Variants in GALR1 observed in about 807,000 individuals in gnomAD.
The protein encoded by GALR1 is galanin receptor type 1.
GALR1 carries 11 observed loss-of-function variants against 17.9 expected under a neutral mutation model. That is an observed-to-expected ratio of 0.62 (90% confidence interval 0.39 to 1.02). GALR1 has a LOEUF of 1.02. GALR1 is among the 50% of genes least tolerant of loss of function. GALR1 has a pLI of 0.01. For missense variants in GALR1, 441 were observed against 456.9 expected (o/e 0.97, Z 0.32); for synonymous variants, 206 against 205.7 (o/e 1.00, Z -0.01).
chr18:77,264,220 ACTGCCCTGTGATAGTC>A (rs1214086118), intron 2 of GALR1, among the ~76,000 whole-genome samples: 1 of 145,866 alleles, frequency 6.9e-6, no homozygotes, highest in Admixed American at 7.0e-5. Flanking sequence ...TGTGGTTCCC[ACTGCCCTGTGATAGTC>A]CTGCAGGGTG....
intron 2 of GALR1, among the ~76,000 whole-genome samples, chr18:77,258,800 G>A (rs1388599264): frequency 1.4e-4 from 20 of 138,870 alleles, no homozygotes; most frequent in Non-Finnish European, 2.3e-4. Flanking sequence ...GGTGGTGATG[G>A]TGGTGGTGGT....
rs1323977791 is a variant in GALR1, at chr18:77,275,018, A to G, written c.*6116A>G. ...GACTTTTTTCCTGGCTATCCTGCCAATACTTTTCCATCTAACAGAAACGCA... is the reference window on the plus strand; with the variant it reads ...GACTTTTTTCCTGGCTATCCTGCCAGTACTTTTCCATCTAACAGAAACGCA... On this transcript the variant is annotated 3_prime_UTR_variant, in exon 3 of 3. Transcript: ENST00000299727. 6.6e-6 allele frequency: 1 copy of G among 152,342 alleles called. No homozygotes were observed. The highest frequency in any genetic ancestry group is 1.9e-4 in the East Asian group (1 of 5,186). The allele number at this position is 152,342 out of a possible 1,614,324, so 9.4% of individuals were successfully genotyped here.
At chr18:77,255,574 G>T (rs1018087489) in intron 1 of GALR1, among the ~76,000 whole-genome samples, 1 of 152,226 alleles carries the variant, frequency 6.6e-6, no homozygotes, top group East Asian at 1.9e-4. Context: ...AGTGGAGGCA[G>T]CCCATAAGAG....
intron 2 of GALR1, 51 bp downstream of exon 2, chr18:77,256,274 C>T: frequency 9.2e-7 from 1 of 1,090,974 alleles, no homozygotes; most frequent in Non-Finnish European, 1.4e-6. Context: ...GCTTAGTTTA[C>T]CTTTGTTTTT....
chr18:77,257,600 C>T (rs1912619678), intron 2 of GALR1, among the ~76,000 whole-genome samples: 1 of 152,198 alleles, frequency 6.6e-6, no homozygotes, highest in Admixed American at 6.5e-5. Context: ...GATTTTTCCT[C>T]TGAGTCACAC....
rs114829154 is a variant in GALR1, at chr18:77,256,299, C to T, written c.732+76C>T. The T allele has an allele frequency of 6.7e-3, 5,589 of 828,206 alleles. 28 individuals carry two copies. The highest frequency in any genetic ancestry group is 9.7e-3 in the African/African-American group (572 of 58,826). 51.3% of individuals were successfully genotyped at this position (828,206 alleles called of 1,614,324 possible). Reference sequence around the variant, plus strand: ...CCTTTGTTTTTTTTACTTGTCCTCACGTCCATCCAAAGCCTGTAACATTTA... The same window carrying T: ...CCTTTGTTTTTTTTACTTGTCCTCATGTCCATCCAAAGCCTGTAACATTTA... On this transcript the variant is annotated intron_variant, in intron 2 of 2. Transcript: ENST00000299727.
rs1912998947 is a variant in GALR1, at chr18:77,268,761, T to C, written c.909T>C (p.Tyr303=). The change falls in exon 3 of 3, where the codon TAT becomes TAC. Residue 303 remains tyrosine, a synonymous_variant. Transcript: ENST00000299727. ...ATTCCTCCGTGAATCCTATCATTTA[T>C]GCATTTCTCTCTGAAAATTTCAGGA... ...YSNSSVNPII[Y]AFLSENFRKA... 2 of 1,614,180 alleles carry C rather than the reference T, an allele frequency of 1.2e-6. No homozygotes were observed. The highest frequency in any genetic ancestry group is 1.7e-6 in the Non-Finnish European group (2 of 1,180,028).
chr18:77,259,710 T>A (rs1467305197), intron 2 of GALR1, among the ~76,000 whole-genome samples: 1 of 150,908 alleles, frequency 6.6e-6, no homozygotes, highest in African/African-American at 2.4e-5. Flanking sequence ...ATGGTGGTGA[T>A]GGTAATGGTG....
At chr18:77,261,345 G>A in intron 2 of GALR1, among the ~76,000 whole-genome samples, 1 of 152,128 alleles carries the variant, frequency 6.6e-6, no homozygotes, top group East Asian at 1.9e-4. Context: ...CACACACAGG[G>A]GACATGCCCG....
rs1023531162 is a variant in GALR1, at chr18:77,276,792, A to G, written c.*7890A>G. On this transcript the variant is annotated 3_prime_UTR_variant, in exon 3 of 3. Transcript: ENST00000299727. The stretch of plus-strand genomic sequence containing the variant: ...ATCATTCAGAATTTTTATTGCTTAC[A>G]TTGATCAGATCCATAAAATATCTGT... 1.3e-5 allele frequency: 2 copies of G among 152,216 alleles called. No individual in the cohort carries two copies. Among genetic ancestry groups the G allele is most frequent in the Non-Finnish European group, 1.5e-5 (1 of 68,034 alleles). 9.4% of individuals were successfully genotyped at this position (152,216 alleles called of 1,614,324 possible). A position where few individuals can be genotyped will look rare whatever the true frequency, so the allele number is the denominator to read the frequency against.
intron 1 of GALR1, among the ~76,000 whole-genome samples, chr18:77,255,409 G>C (rs1314118600): frequency 6.6e-6 from 1 of 152,132 alleles, no homozygotes; most frequent in South Asian, 2.1e-4. Context: ...TCCCTGACAG[G>C]GACATTAATT....
At chr18:77,264,606 G>C (rs1336262695) in intron 2 of GALR1, among the ~76,000 whole-genome samples, 2 of 152,034 alleles carry the variant, frequency 1.3e-5, no homozygotes, top group Non-Finnish European at 2.9e-5. Context: ...ATATTAGTCT[G>C]TTCTTGCACT....
chr18:77,261,798 G>A (rs533306810), intron 2 of GALR1, among the ~76,000 whole-genome samples: 1 of 152,182 alleles, frequency 6.6e-6, no homozygotes, highest in East Asian at 1.9e-4. Flanking sequence ...ATTCATCAGT[G>A]GTTCTCCAAA....
intron 1 of GALR1, among the ~76,000 whole-genome samples, chr18:77,252,884 C>CCACCACCACCAT (rs1568138978): frequency 2.4e-5 from 2 of 82,248 alleles, no homozygotes; most frequent in East Asian, 4.3e-4. Context: ...ACCACCATCA[C>CCACCACCACCAT]CACCACCACC....
At chr18:77,257,199 G>A (rs1912610408) in intron 2 of GALR1, among the ~76,000 whole-genome samples, 2 of 152,142 alleles carry the variant, frequency 1.3e-5, no homozygotes, top group Admixed American at 1.3e-4. Context: ...ACAGTAATGT[G>A]GCTAAAAAGC....
chr18:77,252,881 T>TCACCACCACCACCACCACCAC (rs1568138972), intron 1 of GALR1, among the ~76,000 whole-genome samples: 7 of 55,262 alleles, frequency 1.3e-4, no homozygotes, highest in East Asian at 1.2e-3. Context: ...ACCACCACCA[T>TCACCACCACCACCACCACCAC]CACCACCACC....
In GALR1 at chr18:77,250,239, T is replaced by A; in HGVS notation, c.-310T>A. On this transcript the variant is annotated 5_prime_UTR_variant, in exon 1 of 3. Transcript: ENST00000299727. Reference sequence around the variant, plus strand: ...GGCGGATCCCTCTTCCCAGGCTCCGTGGTCGCGCAGCGGGCGGAGGCGCCC... The same window carrying A: ...GGCGGATCCCTCTTCCCAGGCTCCGAGGTCGCGCAGCGGGCGGAGGCGCCC... Among the ~76,000 whole-genome samples, 1 of 152,066 alleles carries A rather than the reference T, an allele frequency of 6.6e-6. No homozygotes were observed. Among genetic ancestry groups the A allele is most frequent in the East Asian group, 1.9e-4 (1 of 5,140 alleles).
At chr18:77,267,097 T>A (rs1912958895) in intron 2 of GALR1, among the ~76,000 whole-genome samples, 1 of 152,224 alleles carries the variant, frequency 6.6e-6, no homozygotes, top group Non-Finnish European at 1.5e-5. Flanking sequence ...AGAAGTAAAC[T>A]TGCTGGTGAA....
intron 1 of GALR1, chr18:77,253,663 T>C (rs1399955636): frequency 6.6e-6 from 1 of 152,220 alleles, no homozygotes; most frequent in Non-Finnish European, 1.5e-5. Flanking sequence ...GTGTGCACCA[T>C]CCAGTTAAGG....
Sources: allele counts gnomAD v4.1 joint callset (sites outside exome capture counted in the v4.1 genomes callset), GRCh38; gene constraint gnomAD v4.1.1; transcripts MANE v1.5; gene names NCBI Gene and HGNC (gene_info 2026-07-23, HGNC 2026-07-21).